MACF1: variants seen among roughly 807,000 people sequenced by gnomAD.
MACF1 encodes the protein microtubule actin crosslinking factor 1, also known as microtubule-actin cross-linking factor 1.
MACF1 carries 193 observed loss-of-function variants against 854.8 expected under a neutral mutation model. That is an observed-to-expected ratio of 0.23 (90% CI 0.20 to 0.25). The LOEUF (loss-of-function observed/expected upper bound fraction) is 0.25. MACF1 is among the 10% of genes least tolerant of loss of function. The pLI is 1.00. For missense variants in MACF1, 7,722 were observed against 8,929.1 expected (o/e 0.86, Z 5.45); for synonymous variants, 3,185 against 3,226.7 (o/e 0.99, Z 0.44).
At chr1:39,279,561 G>A (rs1645503774) in intron 6 of MACF1, among the ~76,000 whole-genome samples, 1 of 152,112 alleles carries the variant, frequency 6.6e-6, no homozygotes, top group African/African-American at 2.4e-5. Context: ...AGACGACTAA[G>A]AGACAGGATG....
chr1:39,453,927 A>G, intron 88 of MACF1, 77 bp downstream of exon 88: 1 of 1,486,902 alleles, frequency 6.7e-7, no homozygotes, highest in Non-Finnish European at 9.1e-7. Flanking sequence ...TTTTTCCCCC[A>G]GGTAAGGAAT....
intron 2 of MACF1, among the ~76,000 whole-genome samples, chr1:39,166,822 G>C (rs891156019): frequency 6.6e-6 from 1 of 152,050 alleles, no homozygotes; most frequent in Non-Finnish European, 1.5e-5. Flanking sequence ...GGTGGGGTGG[G>C]GAGAGATAAC....
intron 79 of MACF1, 96 bp from the exon 80 acceptor site, chr1:39,444,566 C>T: frequency 1.9e-6 from 2 of 1,063,586 alleles, no homozygotes; most frequent in South Asian, 3.6e-5. Flanking sequence ...CAAGATGAGC[C>T]CTTCCTGGAC....
intron 43 of MACF1, 54 bp from the exon 44 acceptor site, chr1:39,352,953 T>C: frequency 7.7e-7 from 1 of 1,291,160 alleles, no homozygotes; most frequent in Non-Finnish European, 1.1e-6. Context: ...TAACCTGTGG[T>C]TGTATGATTG....
Position 39,204,983 on chromosome 1 carries a change from T to C in MACF1, c.-40T>C, listed in dbSNP as rs1272303451. 4.3e-6 allele frequency: 3 copies of C among 702,562 alleles called. No homozygotes were observed. The highest frequency in any genetic ancestry group is 1.7e-5 in the African/African-American group (1 of 57,366). 43.5% of individuals were successfully genotyped at this position (702,562 alleles called of 1,614,324 possible). Reference sequence around the variant, plus strand: ...AGGCATCCAGAGGCCTGCGCTGAGCTTGTGGCTAACTCAAGGGAGGAGAAA... The same window carrying C: ...AGGCATCCAGAGGCCTGCGCTGAGCCTGTGGCTAACTCAAGGGAGGAGAAA... On this transcript the variant is annotated 5_prime_UTR_variant, in exon 1 of 101. Coordinates refer to ENST00000564288, the MANE Select transcript of MACF1 (RefSeq NM_001394062.1).
At chr1:39,307,974 G>T (rs1437956688) in intron 23 of MACF1, among the ~76,000 whole-genome samples, 8 of 136,550 alleles carry the variant, frequency 5.9e-5, no homozygotes, top group African/African-American at 2.0e-4. Context: ...ACGCAATCTC[G>T]GCTCACCGCA....
intron 21 of MACF1, among the ~76,000 whole-genome samples, chr1:39,299,562 T>C (rs1157837086): frequency 1.3e-5 from 2 of 152,214 alleles, no homozygotes; most frequent in Non-Finnish European, 2.9e-5. Context: ...ATGATACTTC[T>C]TTCTAACCAA....
At chr1:39,198,370 G>A (rs868193836) in intron 2 of MACF1, among the ~76,000 whole-genome samples, 1 of 151,316 alleles carries the variant, frequency 6.6e-6, no homozygotes. Context: ...TTAGCTGGGC[G>A]TGCCGGGCGC....
At position 39,463,893 on chromosome 1, in the gene MACF1, A is replaced by T. The variant is rs144804826; in HGVS notation, c.21753+207A>T. ...ATCTACCTAGATAGTAGTAGTTTGT[A>T]TTTAAGTTTTAAGATAGGAGATATT... is the stretch of plus-strand genomic sequence containing the variant. On this transcript the variant is annotated intron_variant, in intron 94 of 100. Coordinates refer to ENST00000564288, the MANE Select transcript of MACF1 (RefSeq NM_001394062.1). 1,001 of 468,714 alleles carry T rather than the reference A, an allele frequency of 2.1e-3. 13 individuals are homozygous for T. Among genetic ancestry groups the T allele is most frequent in the African/African-American group, 0.018 (903 of 51,136 alleles). The allele number at this position is 468,714 out of a possible 1,614,324, so 29.0% of individuals were successfully genotyped here.
At chr1:39,321,386 A>G (rs1646513260) in intron 31 of MACF1, among the ~76,000 whole-genome samples, 1 of 152,226 alleles carries the variant, frequency 6.6e-6, no homozygotes, top group South Asian at 2.1e-4. Context: ...AATTGCTTTG[A>G]TTATATTTTA....
At chr1:39,282,830 G>A (rs921998898) in intron 7 of MACF1, among the ~76,000 whole-genome samples, 1 of 152,160 alleles carries the variant, frequency 6.6e-6, no homozygotes, top group Non-Finnish European at 1.5e-5. Context: ...TGCTTAGAGT[G>A]GTTTAGGGAC....
chr1:39,438,131 A>G, intron 71 of MACF1, 123 bp downstream of exon 71: 6 of 859,820 alleles, frequency 7.0e-6, no homozygotes, highest in Non-Finnish European at 1.1e-5. Context: ...AGTAATGAGT[A>G]TTCCAGAAAG....
chr1:39,428,406 C>G (rs959430144), intron 63 of MACF1, 119 bp downstream of exon 63: 1 of 976,102 alleles, frequency 1.0e-6, no homozygotes, highest in Non-Finnish European at 1.5e-6. Flanking sequence ...ATTTTATACA[C>G]AAGTGCATAG....
chr1:39,301,049 G>A (rs1646029565), intron 22 of MACF1, among the ~76,000 whole-genome samples: 1 of 152,146 alleles, frequency 6.6e-6, no homozygotes, highest in African/African-American at 2.4e-5. Context: ...CTTTCACTTG[G>A]ATTATTGTGT....
chr1:39,194,504 C>G (rs928264839), intron 2 of MACF1, among the ~76,000 whole-genome samples: 13 of 150,928 alleles, frequency 8.6e-5, no homozygotes, highest in Admixed American at 8.6e-4. Context: ...CAGGCACATG[C>G]CACCATGCCC....
rs543787056 is a variant in MACF1 at position 39,295,935 on chromosome 1, G to A, written c.2355+53G>A. On this transcript the variant is annotated intron_variant, in intron 20 of 100. Coordinates refer to ENST00000564288, the MANE Select transcript of MACF1 (RefSeq NM_001394062.1). ...GTGTGTACATATGTATGTTAAAGGT[G>A]AGGTTACAAACACATCTGCGTTAGT... 17 of 1,512,252 alleles carry A rather than the reference G, an allele frequency of 1.1e-5. No individual in the cohort carries two copies. The African/African-American group carries it at 2.1e-4, about 18-fold the overall frequency. The allele number at this position is 1,512,252 out of a possible 1,614,324, so 93.7% of individuals were successfully genotyped here.
At chr1:39,464,468 A>T (rs1201148952) in intron 94 of MACF1, 1 of 153,950 alleles carries the variant, frequency 6.5e-6, no homozygotes, top group Non-Finnish European at 1.4e-5. Context: ...TTTGAATATA[A>T]CCTAGGGCAT....
chr1:39,249,611 G>C (rs1047036955), intron 2 of MACF1, among the ~76,000 whole-genome samples: 3 of 152,146 alleles, frequency 2.0e-5, no homozygotes, highest in African/African-American at 7.2e-5. Context: ...CTAGCATTTA[G>C]TTTCCTTTGC....
chr1:39,387,209 G>C lies in MACF1; in HGVS notation c.14367G>C (p.Gln4789His). 1 of 1,613,826 alleles carries C rather than the reference G, an allele frequency of 6.2e-7. No individual in the cohort carries two copies. ...CAGCCGATCGCATTAACAGACTCCA[G>C]GCAGCTCTTGCCAGCACCCAGCAGT... is the stretch of plus-strand genomic sequence containing the variant. Reference protein sequence around the residue: ...DLAADRINRLQAALASTQQFQ... With the variant: ...DLAADRINRLHAALASTQQFQ... The change falls in exon 58 of 101, where the codon CAG becomes CAC. Residue 4789 changes from glutamine (Q) to histidine (H), a missense_variant. Transcript: ENST00000564288.
Sources: gnomAD v4.1 joint callset for allele counts (sites outside exome capture counted in the v4.1 genomes callset) on GRCh38, gnomAD v4.1.1 for gene constraint, MANE v1.5 for transcripts, NCBI Gene and HGNC (gene_info 2026-07-23, HGNC 2026-07-21) for gene names.